FAM216A: variants seen among roughly 807,000 people sequenced by gnomAD.
FAM216A encodes the protein family with sequence similarity 216 member A.
In FAM216A, 26 loss-of-function variants were observed where a neutral mutation model predicts 37.6. The ratio of observed to expected loss-of-function variants is 0.69; its 90% CI spans 0.51 to 0.96. The LOEUF (loss-of-function observed/expected upper bound fraction) is 0.96. Ranked by LOEUF, FAM216A falls within the 40% of genes least tolerant of loss-of-function variation. The pLI, the probability that FAM216A is intolerant of heterozygous loss-of-function variation, is 0.00. For synonymous variants in FAM216A, 110 were observed against 121.7 expected (o/e 0.90, Z 0.64); for missense variants, 326 against 339.3 (o/e 0.96, Z 0.31).
chr12:110,487,697 C>T (rs1007948228), intron 5 of FAM216A, 164 bp from the exon 6 acceptor site: 8 of 616,196 alleles, frequency 1.3e-5, no homozygotes, highest in Non-Finnish European at 2.0e-5. Context: ...TGCACTGCAG[C>T]AGCTTTACAT....
At chr12:110,469,744 A>C (rs2062670233) in intron 1 of FAM216A, among the ~76,000 whole-genome samples, 1 of 151,912 alleles carries the variant, frequency 6.6e-6, no homozygotes, top group African/African-American at 2.4e-5. Flanking sequence ...CCCTGACCTC[A>C]AGTGAGCCGC....
chr12:110,468,771 C>T, upstream of FAM216A: 1 of 1,473,242 alleles, frequency 6.8e-7, no homozygotes, highest in Non-Finnish European at 9.0e-7. Context: ...TCTCCCGAAG[C>T]TGTTCGGGCA....
chr12:110,487,834 C>T, intron 5 of FAM216A, 27 bp from the exon 6 acceptor site: 1 of 1,417,066 alleles, frequency 7.1e-7, no homozygotes, highest in Non-Finnish European at 9.9e-7. Flanking sequence ...TTGCTGGCTC[C>T]AACTAAGATA....
At chr12:110,478,687 T>C (rs1321530608) in intron 2 of FAM216A, among the ~76,000 whole-genome samples, 2 of 152,106 alleles carry the variant, frequency 1.3e-5, no homozygotes, top group Non-Finnish European at 2.9e-5. Context: ...CACTACAGGC[T>C]CCAGGCACCC....
At chr12:110,471,787 G>A (rs1027482168) in intron 1 of FAM216A, among the ~76,000 whole-genome samples, 1 of 152,170 alleles carries the variant, frequency 6.6e-6, no homozygotes, top group African/African-American at 2.4e-5. Context: ...TAAACTTGGC[G>A]CCTGGCCCAT....
chr12:110,478,943 C>T (rs369826593), intron 2 of FAM216A, among the ~76,000 whole-genome samples: 2 of 152,134 alleles, frequency 1.3e-5, no homozygotes, highest in South Asian at 4.2e-4. Context: ...AATCCCAGCA[C>T]TTTGGGAGGC....
rs753080616 is a variant in FAM216A, at chr12:110,486,718, G to A, written c.620+1G>A. 1.2e-6 allele frequency: 2 copies of A among 1,610,628 alleles called. No individual in the cohort carries two copies. The highest frequency in any genetic ancestry group is 2.2e-5 in the South Asian group (2 of 90,350). On this transcript the variant is annotated splice_donor_variant, in intron 5 of 6. Coordinates refer to ENST00000377673, the MANE Select transcript of FAM216A (RefSeq NM_013300.3). LOFTEE classifies it high-confidence loss of function. Reference sequence around the variant, plus strand: ...GGCGGCCAGTGAGAAACAAAGAAGGGTCTGTTTCTTAGTGTAAAAGGGGGG... The same window carrying A: ...GGCGGCCAGTGAGAAACAAAGAAGGATCTGTTTCTTAGTGTAAAAGGGGGG...
intron 1 of FAM216A, 184 bp downstream of exon 1, chr12:110,469,202 C>T: frequency 3.1e-6 from 2 of 650,948 alleles, no homozygotes; most frequent in Non-Finnish European, 4.6e-6. Context: ...GGGAGGACTG[C>T]CTCGCGGTTG....
At chr12:110,478,139 C>T (rs559933716) in intron 2 of FAM216A, among the ~76,000 whole-genome samples, 46 of 151,930 alleles carry the variant, frequency 3.0e-4, no homozygotes, top group Non-Finnish European at 5.4e-4. Flanking sequence ...ATTCTTATAC[C>T]ATTGAATAGG....
chr12:110,483,465 A>C (rs565173093), intron 2 of FAM216A, among the ~76,000 whole-genome samples: 10 of 152,328 alleles, frequency 6.6e-5, no homozygotes, highest in African/African-American at 1.9e-4. Context: ...TCTTCTGGGA[A>C]TATGTTTCAA....
chr12:110,473,543 A>C (rs1199433146), intron 2 of FAM216A, among the ~76,000 whole-genome samples: 1 of 152,180 alleles, frequency 6.6e-6, no homozygotes, highest in Non-Finnish European at 1.5e-5. Flanking sequence ...TTGTATTAGC[A>C]TCCTTGGTGA....
Position 110,487,933 on chromosome 12 carries a change from C to T in FAM216A, c.693C>T (p.Phe231=), listed in dbSNP as rs1460529055. The T allele has an allele frequency of 6.3e-7, 1 of 1,592,666 alleles. No homozygotes were observed. Residue 231 remains phenylalanine (F), a synonymous_variant, in exon 6 of 7, where the codon TTC becomes TTT. Transcript: ENST00000377673. ...TTTTTAGAAGACCAAGGAAACTGTTCATGCAAACAGGTAAATGTGGAAATT... is the reference window on the plus strand; with the variant it reads ...TTTTTAGAAGACCAAGGAAACTGTTTATGCAAACAGGTAAATGTGGAAATT... ...LKIFRRPRKL[F]MQTVSSDDSE...
chr12:110,470,601 C>T (rs2062680669), intron 1 of FAM216A, among the ~76,000 whole-genome samples: 1 of 151,814 alleles, frequency 6.6e-6, no homozygotes, highest in African/African-American at 2.4e-5. Flanking sequence ...CCTCAGCCTC[C>T]CAAGTAGCTG....
At chr12:110,487,796 T>C in intron 5 of FAM216A, 65 bp from the exon 6 acceptor site, 1 of 962,868 alleles carries the variant, frequency 1.0e-6, no homozygotes, top group East Asian at 2.4e-5. Flanking sequence ...TTGTGTGGTC[T>C]TCCACATGCC....
intron 1 of FAM216A, among the ~76,000 whole-genome samples, chr12:110,471,608 G>T (rs988379456): frequency 6.6e-5 from 10 of 152,182 alleles, no homozygotes; most frequent in Non-Finnish European, 4.4e-5. Context: ...CAGCAGAGAA[G>T]TGATGTGATC....
intron 2 of FAM216A, among the ~76,000 whole-genome samples, chr12:110,473,422 G>A (rs1030167045): frequency 1.3e-4 from 20 of 152,262 alleles, no homozygotes; most frequent in African/African-American, 4.6e-4. Flanking sequence ...ATGTTGGCCA[G>A]GCTGGTCTGG....
At chr12:110,482,180 CAA>C (rs1232726903) in intron 2 of FAM216A, among the ~76,000 whole-genome samples, 2 of 151,984 alleles carry the variant, frequency 1.3e-5, no homozygotes, top group African/African-American at 2.4e-5. Flanking sequence ...CTCCTGGGTT[CAA>C]GAGATTCTCC....
At chr12:110,471,324 C>T (rs1235044738) in intron 1 of FAM216A, among the ~76,000 whole-genome samples, 1 of 152,124 alleles carries the variant, frequency 6.6e-6, no homozygotes, top group Non-Finnish European at 1.5e-5. Context: ...TTCCTGACCT[C>T]GTGATCCACC....
At chr12:110,469,136 C>T (rs919037171) in intron 1 of FAM216A, 118 bp downstream of exon 1, 103 of 1,204,000 alleles carry the variant, frequency 8.6e-5, no homozygotes, top group African/African-American at 7.6e-4. Context: ...GGGGGCTGGC[C>T]CCGGTGCCCT....
Sources: gnomAD v4.1 joint callset for allele counts (sites outside exome capture counted in the v4.1 genomes callset) on GRCh38, gnomAD v4.1.1 for gene constraint, MANE v1.5 for transcripts, NCBI Gene and HGNC (gene_info 2026-07-23, HGNC 2026-07-21) for gene names.